Variants in AGR3 observed in about 807,000 individuals in gnomAD.
AGR3 encodes the protein anterior gradient 3, protein disulphide isomerase family member, also known as anterior gradient protein 3.
In AGR3, 37 loss-of-function variants were observed where a neutral mutation model predicts 24.5. That is an observed-to-expected ratio of 1.51 (90% CI 1.16 to 1.99). The LOEUF (loss-of-function observed/expected upper bound fraction) is 1.99. AGR3 is among the 30% of genes most tolerant of loss of function. AGR3 has a pLI of 0.00. For synonymous variants in AGR3, 75 were observed against 61.6 expected, an observed-to-expected ratio of 1.22 and a Z score of -1.02; for missense variants, 228 against 191.1, an observed-to-expected ratio of 1.19 and a Z score of -1.14.
At chr7:16,879,804 T>C (rs1782067060) in intron 1 of AGR3, among the ~76,000 whole-genome samples, 1 of 152,222 alleles carries the variant, frequency 6.6e-6, no homozygotes, top group South Asian at 2.1e-4. Flanking sequence ...GGTAAAACAT[T>C]TGGCAATTTT....
intron 3 of AGR3, 84 bp from the exon 4 acceptor site, chr7:16,862,746 G>A (rs867802937): frequency 1.1e-6 from 1 of 875,990 alleles, no homozygotes; most frequent in Non-Finnish European, 1.8e-6. Flanking sequence ...AATTTTATTA[G>A]CTTCAATAAG....
At chr7:16,870,985 C>T (rs1320543624) in intron 3 of AGR3, among the ~76,000 whole-genome samples, 1 of 152,080 alleles carries the variant, frequency 6.6e-6, no homozygotes, top group Non-Finnish European at 1.5e-5. Flanking sequence ...ATATGTTTCT[C>T]AGCTTCATTC....
At chr7:16,857,841 C>T (rs1400762576), downstream of AGR3, among the ~76,000 whole-genome samples, 3 of 152,080 alleles carry the variant, frequency 2.0e-5, no homozygotes, top group Non-Finnish European at 4.4e-5. Flanking sequence ...TCTGACTCAT[C>T]AAATGTTGAA....
intron 3 of AGR3, among the ~76,000 whole-genome samples, chr7:16,863,164 A>G (rs1341969078): frequency 6.6e-6 from 1 of 152,236 alleles, no homozygotes; most frequent in African/African-American, 2.4e-5. Flanking sequence ...TCTGTAGCTT[A>G]ACAAACTTAT....
intron 3 of AGR3, chr7:16,865,953 C>T (rs1781751123): frequency 1.4e-6 from 1 of 691,304 alleles, no homozygotes. Context: ...AAGACTTGAG[C>T]TTTTTACCAG....
intron 1 of AGR3, among the ~76,000 whole-genome samples, chr7:16,881,643 T>C (rs1218873336): frequency 6.6e-6 from 1 of 152,226 alleles, no homozygotes; most frequent in Non-Finnish European, 1.5e-5. Context: ...TAAGTTCCTA[T>C]ATTTTAAAAT....
chr7:16,870,864 G>A (rs143743233), intron 3 of AGR3, among the ~76,000 whole-genome samples: 6 of 152,108 alleles, frequency 3.9e-5, no homozygotes, highest in African/African-American at 1.2e-4. Flanking sequence ...CTTTTCTAAT[G>A]CTTGTCCAAT....
chr7:16,877,675 A>G (rs1194634560), intron 2 of AGR3, among the ~76,000 whole-genome samples: 1 of 151,974 alleles, frequency 6.6e-6, no homozygotes, highest in African/African-American at 2.4e-5. Flanking sequence ...CATCCTGGCT[A>G]ACACGGTGAA....
chr7:16,875,269 A>G (rs1781964673), intron 2 of AGR3, among the ~76,000 whole-genome samples: 1 of 152,186 alleles, frequency 6.6e-6, no homozygotes, highest in Non-Finnish European at 1.5e-5. Context: ...CATTTTCTTC[A>G]AATGCCACAG....
intron 5 of AGR3, 25 bp downstream of exon 5, chr7:16,861,959 A>T: frequency 6.4e-7 from 1 of 1,565,164 alleles, no homozygotes; most frequent in Non-Finnish European, 8.7e-7. Context: ...TATAGTATTA[A>T]GAAAACATCA....
At chr7:16,873,693 C>A (rs1781927689) in intron 3 of AGR3, 87 bp downstream of exon 3, 4 of 993,000 alleles carry the variant, frequency 4.0e-6, no homozygotes, top group Admixed American at 1.9e-5. Flanking sequence ...CATGTATCAG[C>A]ATATCACTCT....
rs147702108 is a variant in AGR3 at position 16,861,448 on chromosome 7, C to T, written c.304-1G>A. On this transcript the variant is annotated splice_acceptor_variant, in intron 5 of 7. Transcript: ENST00000310398. LOFTEE classifies it high-confidence loss of function. ...ATAAATTCTTATCAGTGGTTTCATGCTAGCAGGAGAAGAAAAAAAAAGAAT... is the reference window on the plus strand; with the variant it reads ...ATAAATTCTTATCAGTGGTTTCATGTTAGCAGGAGAAGAAAAAAAAAGAAT... 9.3e-6 allele frequency: 15 copies of T among 1,606,610 alleles called. No individual in the cohort carries two copies. The African/African-American group carries it at 1.9e-4, about 20-fold the overall frequency.
chr7:16,872,341 G>A (rs1466028044), intron 3 of AGR3, among the ~76,000 whole-genome samples: 1 of 152,096 alleles, frequency 6.6e-6, no homozygotes, highest in Non-Finnish European at 1.5e-5. Flanking sequence ...AAGGTGGCAA[G>A]AACATGCATT....
intron 1 of AGR3, among the ~76,000 whole-genome samples, chr7:16,879,420 C>T (rs1167963405): frequency 6.6e-6 from 1 of 152,174 alleles, no homozygotes; most frequent in Non-Finnish European, 1.5e-5. Flanking sequence ...AAAGTTGGGC[C>T]TGATCTGGTC....
chr7:16,870,475 C>T (rs1781844064), intron 3 of AGR3, among the ~76,000 whole-genome samples: 1 of 151,928 alleles, frequency 6.6e-6, no homozygotes, highest in Non-Finnish European at 1.5e-5. Context: ...TTTAATGGGA[C>T]ACTTCTATTT....
At chr7:16,863,223 G>A (rs745974368) in intron 3 of AGR3, among the ~76,000 whole-genome samples, 1 of 152,178 alleles carries the variant, frequency 6.6e-6, no homozygotes, top group African/African-American at 2.4e-5. Context: ...AATCAATTCT[G>A]TATCCAGAGA....
chr7:16,862,063 A>C lies in AGR3; in HGVS notation c.227-3T>G. On this transcript the variant is annotated splice_polypyrimidine_tract_variant and splice_region_variant and intron_variant, in intron 4 of 7. Transcript: ENST00000310398. ...TTGGGCAAATACTTTCTTTAGTGCT[A>C]TAGGGGAAAACAAAATTGCCAGTTA... 6.2e-7 allele frequency: 1 copy of C among 1,609,552 alleles called. No homozygotes were observed. Among genetic ancestry groups the C allele is most frequent in the Non-Finnish European group, 8.5e-7 (1 of 1,177,464 alleles).
At chr7:16,861,957 T>C in intron 5 of AGR3, 27 bp downstream of exon 5, 2 of 1,557,584 alleles carry the variant, frequency 1.3e-6, no homozygotes, top group Non-Finnish European at 1.8e-6. Flanking sequence ...ATTATAGTAT[T>C]AAGAAAACAT....
At chr7:16,880,992 C>T (rs531667360) in intron 1 of AGR3, among the ~76,000 whole-genome samples, 78 of 152,244 alleles carry the variant, frequency 5.1e-4, no homozygotes, top group African/African-American at 1.8e-3. Flanking sequence ...TTATCTGCCT[C>T]TGTTCCTTTT....
Sources: allele counts gnomAD v4.1 joint callset (sites outside exome capture counted in the v4.1 genomes callset), GRCh38; gene constraint gnomAD v4.1.1; transcripts MANE v1.5; gene names NCBI Gene and HGNC (gene_info 2026-07-23, HGNC 2026-07-21).